Variants in KPNA3 observed in about 807,000 individuals in gnomAD.
The protein encoded by KPNA3 is importin subunit alpha-4.
KPNA3 carries 13 observed loss-of-function variants against 73.8 expected under a neutral mutation model. The ratio of observed to expected loss-of-function variants is 0.18; its 90% CI spans 0.11 to 0.28. KPNA3 has a LOEUF of 0.28. Ranked by LOEUF, KPNA3 falls within the 10% of genes least tolerant of loss-of-function variation. The pLI is 1.00. For missense variants in KPNA3, 360 were observed against 618.1 expected (o/e 0.58, Z 4.43); for synonymous variants, 186 against 206.9 (o/e 0.90, Z 0.87).
rs1207411579 is a variant in KPNA3 at position 49,700,387 on chromosome 13, C to T, written c.*1413G>A. Reference sequence around the variant, plus strand: ...TACCCAGTAAACAAGAGCAACAATACCATTTCTGTGACAGCACAAATTATT... The same window carrying T: ...TACCCAGTAAACAAGAGCAACAATATCATTTCTGTGACAGCACAAATTATT... On this transcript the variant is annotated 3_prime_UTR_variant, in exon 17 of 17. Transcript: ENST00000261667. 1.3e-5 allele frequency: 2 copies of T among 152,568 alleles called. No homozygotes were observed. Among genetic ancestry groups the T allele is most frequent in the African/African-American group, 4.8e-5 (2 of 41,432 alleles). 9.5% of individuals were successfully genotyped at this position (152,568 alleles called of 1,614,324 possible). A position where few individuals can be genotyped will look rare whatever the true frequency, so the allele number is the denominator to read the frequency against.
At chr13:49,791,027 T>C (rs1286670041) in intron 1 of KPNA3, among the ~76,000 whole-genome samples, 1 of 152,212 alleles carries the variant, frequency 6.6e-6, no homozygotes, top group Non-Finnish European at 1.5e-5. Context: ...TTAGATGTAT[T>C]TCTTACAAAG....
In KPNA3 at chr13:49,718,766, T is replaced by G. The variant is rs77511052; in HGVS notation, c.771+1009A>C. ...GTGTCAAACACGAAGTGACTTTAGC[T>G]ACCTTTAAAAGATTCCATCCTGAGA... On this transcript the variant is annotated intron_variant, in intron 10 of 16. Transcript: ENST00000261667. Among the ~76,000 whole-genome samples, 803 of 152,324 alleles carry G rather than the reference T, an allele frequency of 5.3e-3. 8 individuals are homozygous for G. The highest frequency in any genetic ancestry group is 0.018 in the African/African-American group (767 of 41,576).
intron 10 of KPNA3, among the ~76,000 whole-genome samples, chr13:49,714,178 G>T (rs1954285459): frequency 6.6e-6 from 1 of 151,844 alleles, no homozygotes; most frequent in Non-Finnish European, 1.5e-5. Context: ...TGTAAACTAC[G>T]GATTTTGGGT....
At chr13:49,728,679 A>G (rs758995054) in intron 6 of KPNA3, among the ~76,000 whole-genome samples, 13 of 152,202 alleles carry the variant, frequency 8.5e-5, no homozygotes, top group African/African-American at 1.2e-4. Context: ...GGGATGCTCA[A>G]GGTATTATTC....
intron 6 of KPNA3, among the ~76,000 whole-genome samples, chr13:49,731,529 G>A (rs567196367): frequency 1.3e-5 from 2 of 152,238 alleles, no homozygotes; most frequent in South Asian, 4.1e-4. Flanking sequence ...CACAACGAAA[G>A]CAAATGGTAT....
chr13:49,738,150 A>G (rs988671460), intron 2 of KPNA3, among the ~76,000 whole-genome samples: 2 of 152,214 alleles, frequency 1.3e-5, no homozygotes, highest in East Asian at 3.9e-4. Flanking sequence ...TGGTTTTGTA[A>G]CTGCTAAAAA....
intron 2 of KPNA3, among the ~76,000 whole-genome samples, chr13:49,734,454 C>T (rs186240691): frequency 1.3e-5 from 2 of 151,934 alleles, no homozygotes; most frequent in Admixed American, 6.6e-5. Flanking sequence ...CCACAGTGTA[C>T]GCCAAAGTAG....
chr13:49,705,353 T>C (rs1594427566), intron 15 of KPNA3, among the ~76,000 whole-genome samples: 1 of 126,062 alleles, frequency 7.9e-6, no homozygotes, highest in East Asian at 2.1e-4. Flanking sequence ...AGCAAGATTC[T>C]GTCTCCAAAA....
intron 1 of KPNA3, among the ~76,000 whole-genome samples, chr13:49,748,351 C>G (rs964411002): frequency 6.6e-6 from 1 of 151,984 alleles, no homozygotes; most frequent in Non-Finnish European, 1.5e-5. Context: ...ATCAGGCATG[C>G]CTTATGGGGA....
intron 1 of KPNA3, among the ~76,000 whole-genome samples, chr13:49,775,446 T>C (rs1954890292): frequency 6.6e-6 from 1 of 152,146 alleles, no homozygotes; most frequent in Non-Finnish European, 1.5e-5. Context: ...AAACAGGCTC[T>C]CATGCTAATA....
At position 49,732,384 on chromosome 13, in the gene KPNA3, C is replaced by G; in HGVS notation, c.370G>C (p.Glu124Gln). The G allele has an allele frequency of 6.4e-7, 1 of 1,563,408 alleles. No individual in the cohort carries two copies. The highest frequency in any genetic ancestry group is 2.3e-5 in the East Asian group (1 of 44,330). ...GILPILVKCL[E>Q]RDDNPSLQFE... ...ATCCATACTTACTTATCATCCCTTT[C>G]TAGACATTTGACTAGAATTGGTAAA... Residue 124 changes from glutamate to glutamine, a missense_variant, in exon 6 of 17, where the codon GAA becomes CAA. Glu to Gln is a conservative substitution (Grantham distance 29, BLOSUM62 2). Transcript: ENST00000261667.
intron 10 of KPNA3, among the ~76,000 whole-genome samples, chr13:49,718,903 TA>T (rs1954329441): frequency 6.6e-6 from 1 of 152,150 alleles, no homozygotes; most frequent in Non-Finnish European, 1.5e-5. Flanking sequence ...AATGATAAAT[TA>T]CACACAATTC....
chr13:49,752,609 A>T (rs1954672760), intron 1 of KPNA3, among the ~76,000 whole-genome samples: 1 of 152,210 alleles, frequency 6.6e-6, no homozygotes, highest in African/African-American at 2.4e-5. Context: ...AATTAGAAAT[A>T]AAGCAAAAAA....
chr13:49,761,265 C>A (rs553901569), intron 1 of KPNA3, among the ~76,000 whole-genome samples: 1 of 152,208 alleles, frequency 6.6e-6, no homozygotes, highest in South Asian at 2.1e-4. Flanking sequence ...TCTCCCTCTC[C>A]CCACGGTCTC....
chr13:49,760,156 C>T (rs1954746904), intron 1 of KPNA3, among the ~76,000 whole-genome samples: 1 of 152,116 alleles, frequency 6.6e-6, no homozygotes, highest in African/African-American at 2.4e-5. Flanking sequence ...GGCACGGTGG[C>T]TCATGCCTGT....
chr13:49,778,137 T>C (rs78259665), intron 1 of KPNA3, among the ~76,000 whole-genome samples: 5 of 152,060 alleles, frequency 3.3e-5, no homozygotes, highest in African/African-American at 1.2e-4. Flanking sequence ...CAGGGAAGAG[T>C]AGAAGTGGGT....
chr13:49,763,006 T>A (rs544823200), intron 1 of KPNA3, among the ~76,000 whole-genome samples: 1 of 148,942 alleles, frequency 6.7e-6, no homozygotes, highest in Admixed American at 6.7e-5. Context: ...ATGAAAACTA[T>A]GAAGGTAGCT....
intron 2 of KPNA3, among the ~76,000 whole-genome samples, chr13:49,737,960 G>A (rs1399329127): frequency 6.6e-6 from 1 of 152,078 alleles, no homozygotes; most frequent in African/African-American, 2.4e-5. Flanking sequence ...TTATGGATTA[G>A]GCTTTCGTGG....
rs1017899804 is a variant in KPNA3 at position 49,705,800 on chromosome 13, A to C, written c.1210-17T>G. ...GTACTCAACCTAGACAACAAAAGAG[A>C]AGAAATATTTTTATTTATATAATTA... On this transcript the variant is annotated splice_polypyrimidine_tract_variant and intron_variant, in intron 14 of 16. Coordinates refer to ENST00000261667, the MANE Select transcript of KPNA3 (RefSeq NM_002267.4). The C allele has an allele frequency of 1.3e-6, 2 of 1,556,192 alleles. No individual in the cohort carries two copies. The highest frequency in any genetic ancestry group is 1.7e-6 in the Non-Finnish European group (2 of 1,151,796).
Sources: gnomAD v4.1 joint callset for allele counts (sites outside exome capture counted in the v4.1 genomes callset) on GRCh38, gnomAD v4.1.1 for gene constraint, MANE v1.5 for transcripts, NCBI Gene and HGNC (gene_info 2026-07-23, HGNC 2026-07-21) for gene names.